Variants in PPP1R10 observed in about 807,000 individuals in gnomAD.
PPP1R10 encodes protein phosphatase 1 regulatory subunit 10, also known as serine/threonine-protein phosphatase 1 regulatory subunit 10.
A neutral mutation model predicts 99.0 loss-of-function variants in PPP1R10; 15 were observed. The observed-to-expected ratio is 0.15, with a 90% CI of 0.10 to 0.23. PPP1R10 has a LOEUF of 0.23. PPP1R10 is among the 10% of genes least tolerant of loss of function. The probability of loss-of-function intolerance (pLI) is 1.00; values close to 1 mark genes in which losing one functional copy is unlikely to be tolerated. For synonymous variants in PPP1R10, 430 were observed against 449.5 expected (o/e 0.96, Z 0.55); for missense variants, 947 against 1,259.4 (o/e 0.75, Z 3.75).
intron 2 of PPP1R10, among the ~76,000 whole-genome samples, chr6:30,612,895 C>A (rs1804701017): frequency 6.6e-6 from 1 of 152,178 alleles, no homozygotes; most frequent in Non-Finnish European, 1.5e-5. Flanking sequence ...TACTCAAGAT[C>A]TGGAGTCTAG....
rs1373068859 is a variant in PPP1R10, at chr6:30,609,609, T to C, written c.107+229A>G. The stretch of plus-strand genomic sequence containing the variant: ...GCTACCCTGCTCTCATTCCAAAGCA[T>C]GACTCCCTTGGGACCGTGGACGTCC... On this transcript the variant is annotated intron_variant, in intron 3 of 19. Coordinates refer to ENST00000376511, the MANE Select transcript of PPP1R10 (RefSeq NM_002714.4). This position sits in a 1 kb window ranked among gnomAD's most constrained non-coding sequence, Gnocchi z 4.5. Among the ~76,000 whole-genome samples, 4 of 152,238 alleles carry C rather than the reference T, an allele frequency of 2.6e-5. No individual in the cohort carries two copies. The highest frequency in any genetic ancestry group is 7.2e-5 in the African/African-American group (3 of 41,464).
rs532488466 is a variant in PPP1R10, at chr6:30,609,316, A to T, written c.108-153T>A. Among the ~76,000 whole-genome samples the T allele has an allele frequency of 6.6e-6, 1 of 152,256 alleles. No homozygotes were observed. The highest frequency in any genetic ancestry group is 2.1e-4 in the South Asian group (1 of 4,832). ...ATATACCTCTAGGAAGATGGGATGG[A>T]TCCAGTGTGACATGGAAACTTATGG... On this transcript the variant is annotated intron_variant, in intron 3 of 19. Transcript: ENST00000376511. This position sits in a 1 kb window ranked among gnomAD's most constrained non-coding sequence, Gnocchi z 4.5.
At chr6:30,611,816 G>A (rs1804587625) in intron 2 of PPP1R10, among the ~76,000 whole-genome samples, 1 of 152,090 alleles carries the variant, frequency 6.6e-6, no homozygotes, top group Admixed American at 6.5e-5. Context: ...AAATACAAGT[G>A]GAACCTGAGG....
rs1491396324 is a variant in PPP1R10 at position 30,601,531 on chromosome 6, AGG to A, written c.*16_*17del. On this transcript the variant is annotated 3_prime_UTR_variant, in exon 20 of 20. Transcript: ENST00000376511. ...TGCAGTCCACAGGGGTTGTGTGAAC[AGG>A]GCAGGCAAATGGTCCCTAGGGCAGG... is the stretch of plus-strand genomic sequence containing the variant. 1 of 1,605,466 alleles carries A rather than the reference AGG, an allele frequency of 6.2e-7. No homozygotes were observed. Among genetic ancestry groups the A allele is most frequent in the African/African-American group, 1.3e-5 (1 of 74,866 alleles).
Position 30,609,147 on chromosome 6 carries a change from G to A in PPP1R10, c.124C>T (p.Arg42Ter), listed in dbSNP as rs759896223. Residue 42 changes from arginine to a stop codon, truncating the protein, a stop_gained, in exon 4 of 20, where the codon CGA (arginine) becomes TGA (stop). Coordinates refer to ENST00000376511, the MANE Select transcript of PPP1R10 (RefSeq NM_002714.4). LOFTEE classifies it high-confidence loss of function. This position sits in a 1 kb window ranked among gnomAD's most constrained non-coding sequence, Gnocchi z 4.5. ...TAAGTGCATCGACTCACCATCTTTC[G>A]TGCTTCCTTCATCAAACTGCAGAAG... is the stretch of plus-strand genomic sequence containing the variant. ...SKIFSLMKEA[R>*]KMVSRCTYLN... 1 of 1,613,156 alleles carries A rather than the reference G, an allele frequency of 6.2e-7. No individual in the cohort carries two copies.
In PPP1R10 at chr6:30,606,708, T is replaced by A; in HGVS notation, c.461-67A>T. The A allele has an allele frequency of 6.2e-7, 1 of 1,611,082 alleles. No individual in the cohort carries two copies. Among genetic ancestry groups the A allele is most frequent in the South Asian group, 1.1e-5 (1 of 91,034 alleles). On this transcript the variant is annotated intron_variant, in intron 7 of 19. Transcript: ENST00000376511. The surrounding 1 kb of genome is among the most constrained non-coding windows in gnomAD (Gnocchi z 6.3). ...GAACACTGTCAGAGGTGAAGCAGAC[T>A]GGGAGCACCTAAAGGCCACATCCCA...
rs1333468581 is a variant in PPP1R10, at chr6:30,609,232, T to G, written c.108-69A>C. 2 of 1,434,390 alleles carry G rather than the reference T, an allele frequency of 1.4e-6. No homozygotes were observed. The highest frequency in any genetic ancestry group is 2.0e-6 in the Non-Finnish European group (2 of 1,022,266). The allele number at this position is 1,434,390 out of a possible 1,614,324, so 88.9% of individuals were successfully genotyped here. A position where few individuals can be genotyped will look rare whatever the true frequency, so the allele number is the denominator to read the frequency against. The stretch of plus-strand genomic sequence containing the variant: ...TCTTCTCTTAGCAAAAGCGCCTCTC[T>G]GTGAACTGCCTAGAGATTCCTAATG... On this transcript the variant is annotated intron_variant, in intron 3 of 19. Coordinates refer to ENST00000376511, the MANE Select transcript of PPP1R10 (RefSeq NM_002714.4). The surrounding 1 kb of genome is among the most constrained non-coding windows in gnomAD (Gnocchi z 4.5).
At position 30,609,180 on chromosome 6, in the gene PPP1R10, A is replaced by T. The variant is rs530057569; in HGVS notation, c.108-17T>A. ...TTCATCAAACTGCAGAAGATGAGTT[A>T]GGGTTAGAAATGAAGCAGCCAGTAT... is the stretch of plus-strand genomic sequence containing the variant. On this transcript the variant is annotated splice_polypyrimidine_tract_variant and intron_variant, in intron 3 of 19. Coordinates refer to ENST00000376511, the MANE Select transcript of PPP1R10 (RefSeq NM_002714.4). This position sits in a 1 kb window ranked among gnomAD's most constrained non-coding sequence, Gnocchi z 4.5. The T allele has an allele frequency of 6.2e-7, 1 of 1,612,120 alleles. No individual in the cohort carries two copies. Among genetic ancestry groups the T allele is most frequent in the East Asian group, 2.2e-5 (1 of 44,886 alleles).
rs1349677547 is a variant in PPP1R10, at chr6:30,605,110, G to C, written c.854-16C>G. 1 of 1,603,992 alleles carries C rather than the reference G, an allele frequency of 6.2e-7. No individual in the cohort carries two copies. The highest frequency in any genetic ancestry group is 1.7e-5 in the Admixed American group (1 of 59,720). ...CCCTCCATAGCTACAAAAAGAAAGAGCACCAAATGGCATCATCAGACCTCC... is the reference window on the plus strand; with the variant it reads ...CCCTCCATAGCTACAAAAAGAAAGACCACCAAATGGCATCATCAGACCTCC... On this transcript the variant is annotated splice_polypyrimidine_tract_variant and intron_variant, in intron 10 of 19. Coordinates refer to ENST00000376511, the MANE Select transcript of PPP1R10 (RefSeq NM_002714.4).
chr6:30,601,866 C>T, intron 19 of PPP1R10, 70 bp downstream of exon 19: 1 of 1,444,458 alleles, frequency 6.9e-7, no homozygotes, highest in South Asian at 1.4e-5. Flanking sequence ...ACAGTAGTGA[C>T]TCTCACCCAC....
intron 14 of PPP1R10, 49 bp downstream of exon 14, chr6:30,603,959 G>A (rs779189645): frequency 3.2e-6 from 5 of 1,539,594 alleles, no homozygotes; most frequent in South Asian, 2.5e-5. Context: ...GTTCCCTCAG[G>A]AGTGTCCAAG....
chr6:30,604,942 C>A lies in PPP1R10; in HGVS notation c.954+52G>T, dbSNP rs1416732723. On this transcript the variant is annotated intron_variant, in intron 11 of 19. Coordinates refer to ENST00000376511, the MANE Select transcript of PPP1R10 (RefSeq NM_002714.4). This position sits in a 1 kb window ranked among gnomAD's most constrained non-coding sequence, Gnocchi z 7.3. The stretch of plus-strand genomic sequence containing the variant: ...ACTCCTAGCTGCTGTGCCCTTTCTT[C>A]TACTTTACCTTTTATACTCTGTCAC... The A allele has an allele frequency of 6.3e-7, 1 of 1,585,606 alleles. No individual in the cohort carries two copies. Among genetic ancestry groups the A allele is most frequent in the East Asian group, 2.2e-5 (1 of 44,754 alleles).
chr6:30,608,970 C>A, intron 4 of PPP1R10, 56 bp from the exon 5 acceptor site: 1 of 1,612,206 alleles, frequency 6.2e-7, no homozygotes, highest in African/African-American at 1.3e-5. Context: ...TTGACAGTAC[C>A]ACATCCTACA....
intron 2 of PPP1R10, among the ~76,000 whole-genome samples, chr6:30,613,858 T>C (rs1804801308): frequency 6.6e-6 from 1 of 151,718 alleles, no homozygotes; most frequent in Non-Finnish European, 1.5e-5. Context: ...GCAAACTGCT[T>C]AAAAGAAAAA....
At chr6:30,611,328 A>T (rs1177515964) in intron 2 of PPP1R10, among the ~76,000 whole-genome samples, 1 of 152,136 alleles carries the variant, frequency 6.6e-6, no homozygotes, top group African/African-American at 2.4e-5. Context: ...ACAAACAAAA[A>T]ACCACCAAAA....
rs1357559134 is a variant in PPP1R10, at chr6:30,602,817, C to T, written c.1957+29G>A. The T allele has an allele frequency of 1.3e-6, 2 of 1,546,092 alleles. No homozygotes were observed. Among genetic ancestry groups the T allele is most frequent in the Non-Finnish European group, 1.8e-6 (2 of 1,140,784 alleles). ...ATCAGACTGAAATTAAGCAGATAAG[C>T]CCATTCCAACCTTTTACTCACCACC... is the stretch of plus-strand genomic sequence containing the variant. On this transcript the variant is annotated intron_variant, in intron 18 of 19. Coordinates refer to ENST00000376511, the MANE Select transcript of PPP1R10 (RefSeq NM_002714.4). The surrounding 1 kb of genome is among the most constrained non-coding windows in gnomAD (Gnocchi z 6.7).
Position 30,602,437 on chromosome 6 carries a change from G to T in PPP1R10, c.2212C>A (p.Arg738=). 1 of 1,605,446 alleles carries T rather than the reference G, an allele frequency of 6.2e-7. No homozygotes were observed. The highest frequency in any genetic ancestry group is 8.5e-7 in the Non-Finnish European group (1 of 1,175,058). ...GRSGGGPPNG[R]GGPGGGMVGG... ...ACCATGCCCCCACCAGGGCCCCCTC[G>T]TCCATTTGGGGGTCCTCCTCCAGAG... Residue 738 remains arginine, a synonymous_variant, in exon 19 of 20, where the codon CGA becomes AGA. Transcript: ENST00000376511. The surrounding 1 kb of genome is among the most constrained non-coding windows in gnomAD (Gnocchi z 6.7).
rs1405225650 is a variant in PPP1R10 at position 30,602,616 on chromosome 6, G to A, written c.2033C>T (p.Pro678Leu). 4 of 1,587,564 alleles carry A rather than the reference G, an allele frequency of 2.5e-6. No homozygotes were observed. Among genetic ancestry groups the A allele is most frequent in the Non-Finnish European group, 2.6e-6 (3 of 1,169,804 alleles). ...GPPPPPRGGDPFWDGPGDPMR... is the reference protein window; with the variant it reads ...GPPPPPRGGDLFWDGPGDPMR... ...AGGGTCGCCCGGGCCATCCCAGAAG[G>A]GATCACCTCCCCGGGGAGGGGGTGG... The change falls in exon 19 of 20, where the codon CCC becomes CTC. Residue 678 changes from proline to leucine, a missense_variant. By Grantham distance (98) the Pro-to-Leu change is moderately conservative. Around this residue, in one of 10 missense-constraint regions of PPP1R10, gnomAD observed 525 missense variants for 578.8 expected, o/e 0.91. Transcript: ENST00000376511. This position sits in a 1 kb window ranked among gnomAD's most constrained non-coding sequence, Gnocchi z 6.7.
intron 14 of PPP1R10, 61 bp downstream of exon 14, chr6:30,603,947 A>AT (rs1450424029): frequency 7.9e-6 from 12 of 1,525,446 alleles, no homozygotes; most frequent in Non-Finnish European, 7.0e-6. Flanking sequence ...ACCCCAGCTC[A>AT]TGTTCCCTCA....
Sources: gnomAD v4.1 joint callset for allele counts (sites outside exome capture counted in the v4.1 genomes callset) on GRCh38, gnomAD v4.1.1 for gene constraint, gnomAD v4.1.1 regional missense constraint, Gnocchi (gnomAD v3.1) non-coding constraint, MANE v1.5 for transcripts, NCBI Gene and HGNC (gene_info 2026-07-23, HGNC 2026-07-21) for gene names.